Variants in MYO16 observed in about 807,000 individuals in gnomAD.
MYO16 encodes the protein myosin XVI.
In MYO16, 94 loss-of-function variants were observed where a neutral mutation model predicts 205.3. The observed-to-expected ratio is 0.46, with a 90% CI of 0.39 to 0.54. MYO16 has a LOEUF of 0.54. Ranked by LOEUF, MYO16 falls within the 20% of genes least tolerant of loss-of-function variation. The pLI, the probability that MYO16 is intolerant of heterozygous loss-of-function variation, is 0.00. For synonymous variants in MYO16, 988 were observed against 954.0 expected (o/e 1.04, Z -0.66); for missense variants, 2,315 against 2,387.5 (o/e 0.97, Z 0.63).
the MYO16 span, among the ~76,000 whole-genome samples, chr13:108,522,264 A>C: frequency 2.0e-5 from 3 of 152,360 alleles, no homozygotes; most frequent in Non-Finnish European, 4.4e-5. Context: ...GATTCAACTA[A>C]TATGCTAAAA....
intron 10 of MYO16, among the ~76,000 whole-genome samples, chr13:108,847,730 A>G (rs1182781660): frequency 1.3e-5 from 2 of 152,010 alleles, no homozygotes; most frequent in Admixed American, 6.6e-5. Flanking sequence ...TGTTTTTATA[A>G]TATCTCTGAG....
chr13:108,983,813 T>C (rs1884534528), intron 20 of MYO16, among the ~76,000 whole-genome samples: 1 of 152,170 alleles, frequency 6.6e-6, no homozygotes, highest in South Asian at 2.1e-4. Context: ...GTTGAAATTG[T>C]GAGGAAGTGC....
intron 1 of MYO16, among the ~76,000 whole-genome samples, chr13:108,621,879 T>A (rs1879556148): frequency 6.6e-6 from 1 of 152,200 alleles, no homozygotes; most frequent in Admixed American, 6.5e-5. Context: ...ATAATTGTCC[T>A]GTTTTATCAT....
chr13:108,761,020 G>A lies in MYO16; in HGVS notation c.508-24615G>A, dbSNP rs1385921245. ...TGACAAGGTTTCATTCTTTTTTGTG[G>A]TTGAATAATATTCCATTGTGCACGT... is the stretch of plus-strand genomic sequence containing the variant. On this transcript the variant is annotated intron_variant, in intron 4 of 34. Transcript: ENST00000457511. 4.6e-5 allele frequency among the ~76,000 whole-genome samples: 7 copies of A among 152,020 alleles called. No homozygotes were observed. The East Asian group carries it at 1.2e-3, about 25-fold the overall frequency.
chr13:109,144,771 C>T (rs1877253394), intron 32 of MYO16, among the ~76,000 whole-genome samples: 1 of 152,146 alleles, frequency 6.6e-6, no homozygotes. Flanking sequence ...AAAATGTTCT[C>T]CTTGGCTGTT....
At chr13:108,752,016 A>G (rs1235037919) in intron 4 of MYO16, among the ~76,000 whole-genome samples, 2 of 152,314 alleles carry the variant, frequency 1.3e-5, no homozygotes, top group Admixed American at 1.3e-4. Context: ...ATGATCATGT[A>G]TCTGTAGTAG....
chr13:108,992,162 A>G (rs1342058319), intron 20 of MYO16, among the ~76,000 whole-genome samples: 1 of 152,216 alleles, frequency 6.6e-6, no homozygotes, highest in African/African-American at 2.4e-5. Flanking sequence ...ATAAATGTGC[A>G]TGTGTTTGAA....
rs144149827 is a variant in MYO16, at chr13:108,884,085, G to A, written c.1553+899G>A. Among the ~76,000 whole-genome samples, 21 of 152,214 alleles carry A rather than the reference G, an allele frequency of 1.4e-4. No individual in the cohort carries two copies. The East Asian group carries it at 2.7e-3, about 20-fold the overall frequency. On this transcript the variant is annotated intron_variant, in intron 13 of 34. Transcript: ENST00000457511. ...GAAAGCTCTATAAATACTCACTCAC[G>A]GTAGCGCCTTAGTTGTTGTCAGTAG...
intron 17 of MYO16, 106 bp from the exon 18 acceptor site, chr13:108,961,433 A>C: frequency 1.1e-6 from 1 of 875,038 alleles, no homozygotes. Context: ...CAACCTCATT[A>C]ATAGGGTCAT....
intron 22 of MYO16, among the ~76,000 whole-genome samples, chr13:109,011,692 TTTAG>T (rs1885605286): frequency 6.6e-6 from 1 of 151,646 alleles, no homozygotes; most frequent in Non-Finnish European, 1.5e-5. Context: ...TTTTTGTAGT[TTTAG>T]TAGAGACAGG....
At chr13:108,696,803 G>A (rs1377139942) in intron 2 of MYO16, among the ~76,000 whole-genome samples, 1 of 152,150 alleles carries the variant, frequency 6.6e-6, no homozygotes, top group African/African-American at 2.4e-5. Context: ...GTTGCAGGAA[G>A]TCAGAAGACC....
chr13:109,176,533 AG>A (rs1305958843), intron 33 of MYO16, among the ~76,000 whole-genome samples: 1 of 144,482 alleles, frequency 6.9e-6, no homozygotes, highest in African/African-American at 2.6e-5. Flanking sequence ...TGCCTTAAAA[AG>A]GTACTGCTTC....
At chr13:108,935,248 A>G (rs1414170767) in intron 16 of MYO16, among the ~76,000 whole-genome samples, 2 of 152,168 alleles carry the variant, frequency 1.3e-5, no homozygotes, top group East Asian at 3.9e-4. Context: ...CTTCTAATCC[A>G]TGAGCATGGA....
At chr13:108,618,942 T>C (rs938686927) in intron 1 of MYO16, among the ~76,000 whole-genome samples, 3 of 152,190 alleles carry the variant, frequency 2.0e-5, no homozygotes, top group African/African-American at 7.2e-5. Flanking sequence ...GAGATCAAAA[T>C]ATGAAACATT....
intron 34 of MYO16, among the ~76,000 whole-genome samples, chr13:109,179,883 G>A (rs532172564): frequency 3.9e-5 from 6 of 152,092 alleles, no homozygotes; most frequent in Non-Finnish European, 5.9e-5. Context: ...ATGAAATATT[G>A]TAGATTTAAT....
intron 11 of MYO16, 71 bp from the exon 12 acceptor site, chr13:108,866,106 T>C: frequency 1.1e-6 from 1 of 952,174 alleles, no homozygotes; most frequent in South Asian, 2.7e-5. Flanking sequence ...GGTTTTTAAA[T>C]TGTATGATTT....
At chr13:108,926,229 G>T (rs1025098606) in intron 16 of MYO16, among the ~76,000 whole-genome samples, 8 of 152,210 alleles carry the variant, frequency 5.3e-5, no homozygotes, top group Non-Finnish European at 5.9e-5. Flanking sequence ...CATCCAAGAG[G>T]CTGCAGAGGC....
intron 23 of MYO16, among the ~76,000 whole-genome samples, chr13:109,032,614 A>G (rs1381881617): frequency 6.6e-6 from 1 of 152,192 alleles, no homozygotes; most frequent in Non-Finnish European, 1.5e-5. Context: ...CACAAGATCA[A>G]TAGATTGATA....
chr13:108,657,297 T>C (rs529571340), intron 1 of MYO16, among the ~76,000 whole-genome samples: 1 of 152,360 alleles, frequency 6.6e-6, no homozygotes, highest in East Asian at 1.9e-4. Context: ...CTGGTCTAAG[T>C]GTCTATTCCT....
Sources: gnomAD v4.1 joint callset for allele counts (sites outside exome capture counted in the v4.1 genomes callset) on GRCh38, gnomAD v4.1.1 for gene constraint, MANE v1.5 for transcripts, NCBI Gene and HGNC (gene_info 2026-07-23, HGNC 2026-07-21) for gene names.